Variants in FAT2 observed in about 807,000 individuals in gnomAD.
FAT2 encodes the protein FAT atypical cadherin 2, also known as protocadherin Fat 2.
FAT2 carries 150 observed loss-of-function variants against 295.3 expected under a neutral mutation model. That is an observed-to-expected ratio of 0.51 (90% CI 0.44 to 0.58). The LOEUF (loss-of-function observed/expected upper bound fraction) is 0.58, where lower values mean the gene tolerates loss of function less well. Ranked by LOEUF, FAT2 falls within the 20% of genes least tolerant of loss-of-function variation. The probability of loss-of-function intolerance (pLI) is 0.00; values close to 1 mark genes in which losing one functional copy is unlikely to be tolerated. For missense variants in FAT2, 4,868 were observed against 5,442.7 expected (o/e 0.89, Z 3.32); for synonymous variants, 2,026 against 2,150.3 (o/e 0.94, Z 1.60).
At chr5:151,569,358 C>G (rs762629204) in intron 1 of FAT2, among the ~76,000 whole-genome samples, 63 of 152,138 alleles carry the variant, frequency 4.1e-4, no homozygotes, top group Non-Finnish European at 8.1e-4. Context: ...CAGGGGAACT[C>G]CCCTTTGTAA....
rs767084074 is a variant in FAT2, at chr5:151,534,601, C to T, written c.9235G>A (p.Asp3079Asn). 3 of 1,614,048 alleles carry T rather than the reference C, an allele frequency of 1.9e-6. No individual in the cohort carries two copies. The highest frequency in any genetic ancestry group is 2.2e-5 in the South Asian group (2 of 91,064). ...GCCTTGGCAACAAGGTTGAACACATCCTTCCTTTCTCGGTCTAGGGCAGTG... is the reference window on the plus strand; with the variant it reads ...GCCTTGGCAACAAGGTTGAACACATTCTTCCTTTCTCGGTCTAGGGCAGTG... ...TLTALDRERK[D>N]VFNLVAKATD... The change falls in exon 13 of 24, where the codon GAT becomes AAT. Residue 3079 changes from aspartate to asparagine, a missense_variant. By Grantham distance (23) the Asp-to-Asn change is conservative (BLOSUM62 1). This residue lies in a region of FAT2 where 1,046 missense variants were observed against 1,210.1 expected (regional missense o/e 0.86). Transcript: ENST00000261800.
intron 20 of FAT2, among the ~76,000 whole-genome samples, chr5:151,517,107 CAAA>C (rs566698678): frequency 1.1e-5 from 1 of 90,986 alleles, no homozygotes. Context: ...GACTCCATCT[CAAA>C]AAAAAAAAAA....
At position 151,512,595 on chromosome 5, in the gene FAT2, T is replaced by G. The variant is rs781403525; in HGVS notation, c.11475A>C (p.Gly3825=). ...GACAGTGGTATTCCAGCTGGGGCAC[T>G]CCACTGGCCAGCTGCAAAGGAAATC... is the stretch of plus-strand genomic sequence containing the variant. The part of the protein sequence containing the change: ...TASVSLKLAS[G]VPQLEYHCLG... The change falls in exon 21 of 24, where the codon GGA becomes GGC. Residue 3825 remains glycine (G), a synonymous_variant. Coordinates refer to ENST00000261800, the MANE Select transcript of FAT2 (RefSeq NM_001447.3). This position sits in a 1 kb window ranked among gnomAD's most constrained non-coding sequence, Gnocchi z 4.1. The G allele has an allele frequency of 2.5e-6, 4 of 1,604,654 alleles. No individual in the cohort carries two copies. Among genetic ancestry groups the G allele is most frequent in the Non-Finnish European group, 3.4e-6 (4 of 1,174,274 alleles).
rs1043884755 is a variant in FAT2 at position 151,567,468 on chromosome 5, C to T, written c.1464G>A (p.Gly488=). 2 of 1,613,996 alleles carry T rather than the reference C, an allele frequency of 1.2e-6. No individual in the cohort carries two copies. The highest frequency in any genetic ancestry group is 1.7e-5 in the Admixed American group (1 of 60,010). ...LAVTATDRDH[G]ENGYVTYSIA... ...TGGAATAGGTGACATATCCATTTTC[C>T]CCATGATCCCGGTCAGTGGCAGTCA... The change falls in exon 2 of 24, where the codon GGG becomes GGA. Residue 488 remains glycine (G), a synonymous_variant. Coordinates refer to ENST00000261800, the MANE Select transcript of FAT2 (RefSeq NM_001447.3).
intron 1 of FAT2, among the ~76,000 whole-genome samples, chr5:151,587,900 G>T (rs543182273): frequency 6.6e-6 from 1 of 152,332 alleles, no homozygotes; most frequent in Admixed American, 6.5e-5. Context: ...TTGTAAAAGG[G>T]CCTAACCTGG....
Position 151,545,271 on chromosome 5 carries a change from C to T in FAT2, c.5856G>A (p.Ala1952=), listed in dbSNP as rs368828183. Residue 1952 remains alanine (A), a synonymous_variant, in exon 10 of 24, where the codon GCG becomes GCA. Transcript: ENST00000261800. ...RASDGLYQDT[A]LVKISLTQVL... is the part of the protein sequence containing the mutation. ...CTTGGGTCAAAGAAATTTTTACCAGCGCAGTGTCTTGATACAAGCCATCAG... is the reference window on the plus strand; with the variant it reads ...CTTGGGTCAAAGAAATTTTTACCAGTGCAGTGTCTTGATACAAGCCATCAG... 2.2e-5 allele frequency: 36 copies of T among 1,613,994 alleles called. No homozygotes were observed. Among genetic ancestry groups the T allele is most frequent in the Middle Eastern group, 1.6e-4 (1 of 6,084 alleles).
At chr5:151,571,568 G>A (rs1356683760) in intron 1 of FAT2, among the ~76,000 whole-genome samples, 1 of 152,248 alleles carries the variant, frequency 6.6e-6, no homozygotes, top group African/African-American at 2.4e-5. Flanking sequence ...AGGATAAAAT[G>A]CAGAGAGAAT....
rs764912855 is a variant in FAT2, at chr5:151,505,926, A to C, written c.12689T>G (p.Leu4230Arg). Residue 4230 changes from leucine to arginine, a missense_variant, in exon 24 of 24, where the codon CTG becomes CGG. Leu to Arg is a moderately radical substitution (Grantham distance 102, BLOSUM62 -2). Around this residue, in one of 5 missense-constraint regions of FAT2, gnomAD observed 492 missense variants for 482.6 expected, o/e 1.02. Transcript: ENST00000261800. Reference protein sequence around the residue: ...NGLYGGFPFPLEMENKRAPLP... With the variant: ...NGLYGGFPFPREMENKRAPLP... ...AGGTGCCCGCTTGTTTTCCATCTCCAGGGGGAAGGGGAAGCCCCCATAGAG... is the reference window on the plus strand; with the variant it reads ...AGGTGCCCGCTTGTTTTCCATCTCCCGGGGGAAGGGGAAGCCCCCATAGAG... The C allele has an allele frequency of 1.3e-6, 2 of 1,585,416 alleles. No individual in the cohort carries two copies. The highest frequency in any genetic ancestry group is 2.2e-5 in the East Asian group (1 of 44,568).
At chr5:151,588,406 A>G (rs1023776302) in intron 1 of FAT2, among the ~76,000 whole-genome samples, 1 of 152,202 alleles carries the variant, frequency 6.6e-6, no homozygotes, top group African/African-American at 2.4e-5. Context: ...GTGTGACCTT[A>G]GTCAAGTTAC....
intron 9 of FAT2, among the ~76,000 whole-genome samples, chr5:151,547,503 C>G (rs1250932246): frequency 6.6e-6 from 1 of 152,222 alleles, no homozygotes; most frequent in African/African-American, 2.4e-5. Flanking sequence ...TTCCCTCTAT[C>G]ACGTGAGAGC....
intron 2 of FAT2, among the ~76,000 whole-genome samples, chr5:151,564,921 A>G (rs1383085362): frequency 6.6e-6 from 1 of 151,804 alleles, no homozygotes; most frequent in Non-Finnish European, 1.5e-5. Context: ...AAAAATACAA[A>G]AGTTAGCCGG....
rs1054213495 is a variant in FAT2, at chr5:151,529,258, C to T, written c.9946G>A (p.Glu3316Lys). The change falls in exon 15 of 24, where the codon GAA becomes AAA. Residue 3316 changes from glutamate to lysine, a missense_variant. By Grantham distance (56) the Glu-to-Lys change is moderately conservative (BLOSUM62 1). Around this residue, in one of 5 missense-constraint regions of FAT2, gnomAD observed 1,046 missense variants for 1,210.1 expected, o/e 0.86. Coordinates refer to ENST00000261800, the MANE Select transcript of FAT2 (RefSeq NM_001447.3). ...TCTTGGGGGAATTGGGGCCGGTGTT[C>T]ATTGACATCAGTGATGTTGACCATG... ...TVMVNITDVN[E>K]HRPQFPQDPY... is the part of the protein sequence containing the mutation. The T allele has an allele frequency of 9.3e-6, 15 of 1,614,016 alleles. No individual in the cohort carries two copies. The Admixed American group carries it at 2.0e-4, about 22-fold the overall frequency.
At chr5:151,550,486 G>C in intron 8 of FAT2, 104 bp downstream of exon 8, 3 of 1,285,544 alleles carry the variant, frequency 2.3e-6, no homozygotes, top group Non-Finnish European at 3.3e-6. Flanking sequence ...TCTCGTGCAT[G>C]GTCCTTATGA....
At chr5:151,506,284 T>A (rs779174232) in intron 23 of FAT2, among the ~76,000 whole-genome samples, 187 bp from the exon 24 acceptor site, 1 of 152,260 alleles carries the variant, frequency 6.6e-6, no homozygotes, top group South Asian at 2.1e-4. Context: ...AGCTCAAGGC[T>A]AGAGGTTTGA....
intron 1 of FAT2, among the ~76,000 whole-genome samples, chr5:151,578,165 C>T (rs1758816304): frequency 6.6e-6 from 1 of 152,196 alleles, no homozygotes; most frequent in Non-Finnish European, 1.5e-5. Flanking sequence ...CTGATAGACT[C>T]TCCAGGAGGA....
rs758852827 is a variant in FAT2 at position 151,567,784 on chromosome 5, A to T, written c.1148T>A (p.Met383Lys). Residue 383 changes from methionine (M) to lysine (K), a missense_variant, in exon 2 of 24, where the codon ATG becomes AAG. Met to Lys is a moderately conservative substitution (Grantham distance 95). Around this residue, in one of 5 missense-constraint regions of FAT2, gnomAD observed 3,297 missense variants for 3,669.4 expected, o/e 0.90. Coordinates refer to ENST00000261800, the MANE Select transcript of FAT2 (RefSeq NM_001447.3). Reference protein sequence around the residue: ...EFSPPGSRVVMVRVTPAFPNL... With the variant: ...EFSPPGSRVVKVRVTPAFPNL... ...GGGGAAGGCTGGGGTGACTCTCACC[A>T]TCACCACGCGGCTGCCAGGAGGGGA... is the stretch of plus-strand genomic sequence containing the variant. 4 of 1,614,090 alleles carry T rather than the reference A, an allele frequency of 2.5e-6. No homozygotes were observed. In the African/African-American group the frequency reaches 5.3e-5, roughly 22 times the overall value.
Position 151,537,980 on chromosome 5 carries a change from T to A in FAT2, c.9040-34A>T, listed in dbSNP as rs574830068. On this transcript the variant is annotated intron_variant, in intron 11 of 23. Transcript: ENST00000261800. The stretch of plus-strand genomic sequence containing the variant: ...GGAAAGACAAAGAAGAGGGAGACTG[T>A]GGGGACTGCATTCAGATCCAGAGAG... The A allele has an allele frequency of 3.7e-6, 6 of 1,603,798 alleles. No homozygotes were observed. In the South Asian group the frequency reaches 6.7e-5, roughly 18 times the overall value.
intron 12 of FAT2, among the ~76,000 whole-genome samples, chr5:151,537,350 AAAAAG>A (rs1561842294): frequency 1.3e-5 from 1 of 77,164 alleles, no homozygotes; most frequent in African/African-American, 3.2e-5. Context: ...AAAGAAAAGA[AAAAAG>A]AAGGAAGGAA....
At chr5:151,517,127 AAG>A (rs1462457292) in intron 20 of FAT2, among the ~76,000 whole-genome samples, 1 of 152,148 alleles carries the variant, frequency 6.6e-6, no homozygotes, top group African/African-American at 2.4e-5. Flanking sequence ...AAAAAGAAAA[AAG>A]AAATGGTAGA....
Sources: gnomAD v4.1 joint callset for allele counts (sites outside exome capture counted in the v4.1 genomes callset) on GRCh38, gnomAD v4.1.1 for gene constraint, gnomAD v4.1.1 regional missense constraint, Gnocchi (gnomAD v3.1) non-coding constraint, MANE v1.5 for transcripts, NCBI Gene and HGNC (gene_info 2026-07-23, HGNC 2026-07-21) for gene names.